Variants in SH3D19 observed in about 807,000 individuals in gnomAD.
SH3D19 encodes SH3 domain containing 19, also known as SH3 domain-containing protein 19.
A neutral mutation model predicts 112.1 loss-of-function variants in SH3D19; 58 were observed. The observed-to-expected ratio is 0.52, with a 90% CI of 0.42 to 0.64. The LOEUF (loss-of-function observed/expected upper bound fraction) is 0.64, where lower values mean the gene tolerates loss of function less well. SH3D19 is among the 30% of genes least tolerant of loss of function. SH3D19 has a pLI of 0.00. For missense variants in SH3D19, 1,090 were observed against 1,263.4 expected, an observed-to-expected ratio of 0.86 and a Z score of 2.08; for synonymous variants, 391 against 448.5, an observed-to-expected ratio of 0.87 and a Z score of 1.62.
rs1251079531 is a variant in SH3D19, at chr4:151,128,341, C to G, written c.2758G>C (p.Ala920Pro). Residue 920 changes from alanine (A) to proline (P), a missense_variant, in exon 18 of 20, where the codon GCA becomes CCA. By Grantham distance (27) the Ala-to-Pro change is conservative (BLOSUM62 -1). Coordinates refer to ENST00000604030, the MANE Select transcript of SH3D19 (RefSeq NM_001378122.1). ...CTGTGAAGAGCTTCACACCATTCTG[C>G]CGGAAGACTGTTAACCTGTTATCAA... is the stretch of plus-strand genomic sequence containing the variant. ...GSNSQVNSLP[A>P]EWCEALHSFT... The G allele has an allele frequency of 6.2e-7, 1 of 1,613,006 alleles. No homozygotes were observed. The highest frequency in any genetic ancestry group is 1.3e-5 in the African/African-American group (1 of 74,872).
At chr4:151,291,486 C>T (rs780893728) in intron 1 of SH3D19, 3 of 1,398,348 alleles carry the variant, frequency 2.1e-6, no homozygotes, top group Admixed American at 2.4e-5. Flanking sequence ...CCCTGGGTGA[C>T]TTTATTTACA....
chr4:151,168,758 C>T (rs1166842132), intron 7 of SH3D19, among the ~76,000 whole-genome samples: 1 of 152,040 alleles, frequency 6.6e-6, no homozygotes, highest in African/African-American at 2.4e-5. Flanking sequence ...TTAACAGCTG[C>T]TTTTGGTATC....
intron 15 of SH3D19, among the ~76,000 whole-genome samples, chr4:151,133,780 C>T (rs960675461): frequency 1.3e-5 from 2 of 152,152 alleles, no homozygotes; most frequent in African/African-American, 2.4e-5. Flanking sequence ...AACACACAGT[C>T]TTGGAACTAA....
chr4:151,147,935 TAG>T lies in SH3D19; in HGVS notation c.2067_2068del (p.Tyr690GlnfsTer2). ...AGCTAAATTTACCATGTATTTACTG[TAG>T]AGAGGGTGTCCTGGTTTGGGACGAG... On this transcript the variant is annotated frameshift_variant, in exon 11 of 20. Coordinates refer to ENST00000604030, the MANE Select transcript of SH3D19 (RefSeq NM_001378122.1). LOFTEE classifies it high-confidence loss of function. 6.2e-7 allele frequency: 1 copy of T among 1,611,274 alleles called. No homozygotes were observed. Among genetic ancestry groups the T allele is most frequent in the Non-Finnish European group, 8.5e-7 (1 of 1,178,992 alleles).
intron 1 of SH3D19, among the ~76,000 whole-genome samples, chr4:151,312,507 T>C (rs1251955156): frequency 3.3e-5 from 5 of 151,762 alleles, no homozygotes; most frequent in Non-Finnish European, 7.4e-5. Context: ...CTGCCAAGAG[T>C]TGAGAAGCCT....
In SH3D19 at chr4:151,122,101, T is replaced by G. The variant is rs764046126; in HGVS notation, c.3134A>C (p.Gln1045Pro). 2 of 1,562,886 alleles carry G rather than the reference T, an allele frequency of 1.3e-6. No individual in the cohort carries two copies. The highest frequency in any genetic ancestry group is 1.8e-6 in the Non-Finnish European group (2 of 1,134,106). ...AGACAAGCTTCTCCTCTAGCTGATC[T>G]GTAGAAACTGTATGTAGTTTTTGGG... ...IFPKNYIQFL[Q>P]IS is the part of the protein sequence containing the mutation. Residue 1045 changes from glutamine to proline, a missense_variant, in exon 20 of 20, where the codon CAG becomes CCG. By Grantham distance (76) the Gln-to-Pro change is moderately conservative. Transcript: ENST00000604030.
intron 1 of SH3D19, among the ~76,000 whole-genome samples, chr4:151,256,421 C>T (rs543769646): frequency 6.6e-6 from 1 of 152,340 alleles, no homozygotes; most frequent in African/African-American, 2.4e-5. Context: ...TTAGGTTCCA[C>T]TTTTGTTTCA....
At chr4:151,295,551 A>C (rs1015120513) in intron 1 of SH3D19, among the ~76,000 whole-genome samples, 2 of 152,066 alleles carry the variant, frequency 1.3e-5, no homozygotes, top group Non-Finnish European at 2.9e-5. Context: ...CAGCTAACTC[A>C]CTTCCTGTTT....
intron 1 of SH3D19, among the ~76,000 whole-genome samples, chr4:151,313,333 T>C (rs1386164469): frequency 6.6e-6 from 1 of 152,188 alleles, no homozygotes; most frequent in Non-Finnish European, 1.5e-5. Flanking sequence ...TTACTTGTGA[T>C]ATAAAGGAAT....
intron 1 of SH3D19, among the ~76,000 whole-genome samples, chr4:151,303,882 T>C (rs1728687110): frequency 1.3e-5 from 2 of 152,154 alleles, no homozygotes; most frequent in African/African-American, 4.8e-5. Flanking sequence ...ATAATGCTAC[T>C]GTAGAATGTA....
At chr4:151,217,736 T>G (rs1365805363) in intron 2 of SH3D19, among the ~76,000 whole-genome samples, 1 of 152,218 alleles carries the variant, frequency 6.6e-6, no homozygotes, top group Admixed American at 6.5e-5. Context: ...AGATGCTTAT[T>G]GCAACATCAT....
chr4:151,147,978 C>T lies in SH3D19; in HGVS notation c.2026G>A (p.Asp676Asn), dbSNP rs1411336700. Residue 676 changes from aspartate to asparagine, a missense_variant, in exon 11 of 20, where the codon GAT becomes AAT. Physicochemically the swap from Asp to Asn is conservative, Grantham distance 23 (BLOSUM62 1). Coordinates refer to ENST00000604030, the MANE Select transcript of SH3D19 (RefSeq NM_001378122.1). Reference protein sequence around the residue: ...KAKSQVFKNQDPVLPPRPKPG... With the variant: ...KAKSQVFKNQNPVLPPRPKPG... ...TTGGGACGAGGGGGTAGCACCGGAT[C>T]TTGATTTTTAAAAACTTGACTCTTG... The T allele has an allele frequency of 1.2e-6, 2 of 1,613,900 alleles. No individual in the cohort carries two copies. Among genetic ancestry groups the T allele is most frequent in the Non-Finnish European group, 1.7e-6 (2 of 1,179,990 alleles).
At chr4:151,235,555 G>A (rs1332455470) in intron 1 of SH3D19, among the ~76,000 whole-genome samples, 1 of 152,152 alleles carries the variant, frequency 6.6e-6, no homozygotes, top group Non-Finnish European at 1.5e-5. Context: ...GAGGCCAAGG[G>A]AGGTGAATCA....
chr4:151,210,548 C>T (rs898153344), intron 2 of SH3D19, among the ~76,000 whole-genome samples: 3 of 151,958 alleles, frequency 2.0e-5, no homozygotes, highest in Non-Finnish European at 2.9e-5. Context: ...ACTACAGGCA[C>T]CTGCCACCAC....
At chr4:151,278,761 G>A (rs1773893029) in intron 1 of SH3D19, among the ~76,000 whole-genome samples, 1 of 152,146 alleles carries the variant, frequency 6.6e-6, no homozygotes, top group Admixed American at 6.5e-5. Context: ...CTCCCAAGTA[G>A]CTGGGACTAC....
intron 17 of SH3D19, 27 bp from the exon 18 acceptor site, chr4:151,128,383 G>A: frequency 1.3e-6 from 2 of 1,560,272 alleles, no homozygotes; most frequent in East Asian, 2.3e-5. Flanking sequence ...GGTGTGGTCA[G>A]AAGTGTAAGA....
chr4:151,164,565 A>G (rs1286289541), intron 8 of SH3D19, among the ~76,000 whole-genome samples: 1 of 151,860 alleles, frequency 6.6e-6, no homozygotes, highest in Non-Finnish European at 1.5e-5. Context: ...GTAAACCAAA[A>G]TGTAACGTTA....
chr4:151,145,935 T>C (rs1753845353), intron 11 of SH3D19, among the ~76,000 whole-genome samples: 1 of 152,230 alleles, frequency 6.6e-6, no homozygotes, highest in African/African-American at 2.4e-5. Context: ...AGTTATTTAA[T>C]ACATACATAA....
At chr4:151,221,100 C>A (rs546206061) in intron 2 of SH3D19, among the ~76,000 whole-genome samples, 1 of 152,310 alleles carries the variant, frequency 6.6e-6, no homozygotes, top group African/African-American at 2.4e-5. Flanking sequence ...TTTCCTTTAA[C>A]TTGACAAGAA....
Sources: gnomAD v4.1 joint callset for allele counts (sites outside exome capture counted in the v4.1 genomes callset) on GRCh38, gnomAD v4.1.1 for gene constraint, MANE v1.5 for transcripts, NCBI Gene and HGNC (gene_info 2026-07-23, HGNC 2026-07-21) for gene names.